PAK4: variants seen among roughly 807,000 people sequenced by gnomAD.
PAK4 encodes p21 (RAC1) activated kinase 4.
A neutral mutation model predicts 53.5 loss-of-function variants in PAK4; 49 were observed. That is an observed-to-expected ratio of 0.92 (90% CI 0.73 to 1.16). The LOEUF (loss-of-function observed/expected upper bound fraction) is 1.16. Among genes scored for constraint, PAK4 ranks in the 50% most tolerant of loss-of-function variants. The pLI is 0.00. For synonymous variants in PAK4, 376 were observed against 375.6 expected, an observed-to-expected ratio of 1.00 and a Z score of -0.01; for missense variants, 824 against 850.7, an observed-to-expected ratio of 0.97 and a Z score of 0.39.
downstream of PAK4, chr19:39,181,075 TTGTTTTG>T (rs2074695778): frequency 7.0e-6 from 1 of 143,874 alleles, no homozygotes; most frequent in Admixed American, 7.9e-5. Context: ...CACTGCAGGT[TTGTTTTG>T]TTTTGTTTTG....
intron 1 of PAK4, among the ~76,000 whole-genome samples, chr19:39,142,223 C>T (rs1427694825): frequency 6.6e-6 from 1 of 152,170 alleles, no homozygotes; most frequent in Non-Finnish European, 1.5e-5. Flanking sequence ...GTTTTGCAGT[C>T]TGGGGCCAGC....
chr19:39,149,758 A>T (rs997343382), intron 1 of PAK4, among the ~76,000 whole-genome samples: 4 of 152,156 alleles, frequency 2.6e-5, no homozygotes, highest in Non-Finnish European at 4.4e-5. Context: ...TGGAAGGCTG[A>T]GGCATGAGAA....
intron 1 of PAK4, among the ~76,000 whole-genome samples, chr19:39,138,375 G>A (rs764636157): frequency 2.7e-4 from 41 of 152,162 alleles, no homozygotes; most frequent in Non-Finnish European, 5.6e-4. Flanking sequence ...TTGACTTTTT[G>A]TAATTCCCTT....
At chr19:39,132,499 C>T (rs1055820552) in intron 1 of PAK4, among the ~76,000 whole-genome samples, 1 of 152,282 alleles carries the variant, frequency 6.6e-6, no homozygotes, top group African/African-American at 2.4e-5. Context: ...CTCCGAAGCT[C>T]GCTGTCAGGA....
At chr19:39,128,281 G>A (rs1372566153) in intron 1 of PAK4, among the ~76,000 whole-genome samples, 1 of 152,182 alleles carries the variant, frequency 6.6e-6, no homozygotes, top group African/African-American at 2.4e-5. Context: ...TGCTGCTGCT[G>A]CTGCCACCCC....
Position 39,175,486 on chromosome 19 carries a change from G to A in PAK4, c.1359+48G>A, listed in dbSNP as rs576608748. The stretch of plus-strand genomic sequence containing the variant: ...ACGGGGGCGGCAGGTTTCCGGCTGC[G>A]GGGCTTCCCTGCCTCTTCCCATCCC... On this transcript the variant is annotated intron_variant, in intron 6 of 8. Transcript: ENST00000358301. The surrounding 1 kb of genome is among the most constrained non-coding windows in gnomAD (Gnocchi z 4.7). 1.1e-4 allele frequency: 176 copies of A among 1,547,224 alleles called. No homozygotes were observed. Among genetic ancestry groups the A allele is most frequent in the Non-Finnish European group, 1.5e-4 (169 of 1,139,352 alleles).
Position 39,173,061 on chromosome 19 carries a change from G to A in PAK4, c.348G>A (p.Gly116=). 1 of 1,549,054 alleles carries A rather than the reference G, an allele frequency of 6.5e-7. No homozygotes were observed. The change falls in exon 3 of 9, where the codon GGG becomes GGA. Residue 116 remains glycine, a synonymous_variant. Transcript: ENST00000358301. This position sits in a 1 kb window ranked among gnomAD's most constrained non-coding sequence, Gnocchi z 6.9. The stretch of plus-strand genomic sequence containing the variant: ...CCGCCCGTGCCCGCCAGGAAAATGG[G>A]ATGCCAGAGGAGCCGGCCACCACGG...
Position 39,173,590 on chromosome 19 carries a change from CG to C in PAK4, c.679del (p.Val227TrpfsTer142). On this transcript the variant is annotated frameshift_variant, in exon 4 of 9. Coordinates refer to ENST00000358301, the Ensembl canonical transcript of PAK4. LOFTEE classifies it high-confidence loss of function. The surrounding 1 kb of genome is among the most constrained non-coding windows in gnomAD (Gnocchi z 6.9). ...TTCTGTTTCAGGGGGAGCCTCATGA[CG>C]TGGCCCCTAACGGGCCATCAGCGGG... 6.6e-7 allele frequency: 1 copy of C among 1,524,420 alleles called. No individual in the cohort carries two copies. Among genetic ancestry groups the C allele is most frequent in the South Asian group, 1.3e-5 (1 of 76,318 alleles). 94.4% of individuals were successfully genotyped at this position (1,524,420 alleles called of 1,614,324 possible).
chr19:39,147,485 G>C (rs889492862), intron 1 of PAK4, among the ~76,000 whole-genome samples: 2 of 152,184 alleles, frequency 1.3e-5, no homozygotes, highest in Non-Finnish European at 2.9e-5. Context: ...TCGTGTGAAT[G>C]TCAGTTTTTG....
In PAK4 at chr19:39,176,579, C is replaced by T. The variant is rs2074609433; in HGVS notation, c.1360-11C>T. 1 of 1,613,614 alleles carries T rather than the reference C, an allele frequency of 6.2e-7. No homozygotes were observed. ...AGCTCCTCTGACCCCACTGCCTCTGCCCTGTCCCAGGTGAAGCTGTCAGAC... is the reference window on the plus strand; with the variant it reads ...AGCTCCTCTGACCCCACTGCCTCTGTCCTGTCCCAGGTGAAGCTGTCAGAC... On this transcript the variant is annotated splice_polypyrimidine_tract_variant and intron_variant, in intron 6 of 8. Coordinates refer to ENST00000358301, the Ensembl canonical transcript of PAK4.
intron 1 of PAK4, among the ~76,000 whole-genome samples, chr19:39,130,289 C>T (rs115349739): frequency 2.1e-4 from 26 of 124,872 alleles, no homozygotes; most frequent in African/African-American, 8.3e-4. Flanking sequence ...GCAGAGGGGT[C>T]AGGGCGGGAT....
At chr19:39,181,092 G>T (rs1324180545), downstream of PAK4, 1 of 151,530 alleles carries the variant, frequency 6.6e-6, no homozygotes, top group African/African-American at 2.4e-5. Flanking sequence ...GTTTTGTTTT[G>T]TTTTGAGTTT....
At chr19:39,137,923 C>T (rs558001709) in intron 1 of PAK4, among the ~76,000 whole-genome samples, 3 of 152,018 alleles carry the variant, frequency 2.0e-5, no homozygotes, top group East Asian at 3.9e-4. Flanking sequence ...ACCTTGGCCT[C>T]CCAAAGTGCT....
intron 1 of PAK4, among the ~76,000 whole-genome samples, chr19:39,142,744 G>T (rs2073931275): frequency 6.6e-6 from 1 of 152,170 alleles, no homozygotes; most frequent in Non-Finnish European, 1.5e-5. Context: ...GAACAGAGTG[G>T]TCTCCCACCC....
chr19:39,136,666 TG>T (rs1249643417), intron 1 of PAK4, among the ~76,000 whole-genome samples: 3 of 152,200 alleles, frequency 2.0e-5, no homozygotes, highest in Non-Finnish European at 2.9e-5. Flanking sequence ...CCTCAGGGCA[TG>T]GGGGTAGGGG....
At chr19:39,145,336 G>A (rs765134032) in intron 1 of PAK4, among the ~76,000 whole-genome samples, 15 of 152,198 alleles carry the variant, frequency 9.9e-5, no homozygotes, top group Non-Finnish European at 2.1e-4. Context: ...TAAATGGTAC[G>A]AGGCCAGCGG....
intron 8 of PAK4, 131 bp downstream of exon 9, chr19:39,177,940 C>T (rs569834299): frequency 6.3e-4 from 670 of 1,058,446 alleles, no homozygotes; most frequent in Non-Finnish European, 8.5e-4. Flanking sequence ...GCTGGGCCCC[C>T]CACCCCCGGG....
At chr19:39,152,704 G>T (rs75015435) in intron 1 of PAK4, among the ~76,000 whole-genome samples, 13 of 152,274 alleles carry the variant, frequency 8.5e-5, no homozygotes, top group Middle Eastern at 3.4e-3. Context: ...ATTACGTTTG[G>T]GGGGGTGGAA....
chr19:39,138,803 C>A (rs73046449), intron 1 of PAK4, among the ~76,000 whole-genome samples: 1 of 152,218 alleles, frequency 6.6e-6, no homozygotes, highest in Non-Finnish European at 1.5e-5. Flanking sequence ...AATCAGCTTA[C>A]GGTTTAATTA....
Sources: gnomAD v4.1 joint callset for allele counts (sites outside exome capture counted in the v4.1 genomes callset) on GRCh38, gnomAD v4.1.1 for gene constraint, Gnocchi (gnomAD v3.1) non-coding constraint, MANE v1.5 for transcripts, NCBI Gene and HGNC (gene_info 2026-07-23, HGNC 2026-07-21) for gene names.